Variants in NRCAM observed in about 807,000 individuals in gnomAD.
NRCAM encodes NgCAM-related cell adhesion molecule.
A neutral mutation model predicts 156.5 loss-of-function variants in NRCAM; 83 were observed. The ratio of observed to expected loss-of-function variants is 0.53; its 90% CI spans 0.44 to 0.64. The LOEUF is 0.64. Ranked by LOEUF, NRCAM falls within the 30% of genes least tolerant of loss-of-function variation. The probability of loss-of-function intolerance (pLI) is 0.00; values close to 1 mark genes in which losing one functional copy is unlikely to be tolerated. For synonymous variants in NRCAM, 538 were observed against 563.9 expected, an observed-to-expected ratio of 0.95 and a Z score of 0.65; for missense variants, 1,417 against 1,597.3, an observed-to-expected ratio of 0.89 and a Z score of 1.92.
chr7:108,373,243 AG>A (rs1295370458), intron 2 of NRCAM, among the ~76,000 whole-genome samples: 2 of 152,312 alleles, frequency 1.3e-5, no homozygotes, highest in Admixed American at 1.3e-4. Context: ...GTTTTAATTA[AG>A]CAAGATGAAG....
chr7:108,195,773 G>T lies in NRCAM; in HGVS notation c.1451C>A (p.Pro484Gln). 6.3e-7 allele frequency: 1 copy of T among 1,591,206 alleles called. No individual in the cohort carries two copies. Among genetic ancestry groups the T allele is most frequent in the Non-Finnish European group, 8.6e-7 (1 of 1,159,358 alleles). Residue 484 changes from proline to glutamine, a missense_variant, in exon 15 of 33, where the codon CCA becomes CAA. Physicochemically the swap from Pro to Gln is moderately conservative, Grantham distance 76. Around this residue, in one of 2 missense-constraint regions of NRCAM, gnomAD observed 1,238 missense variants for 1,336.4 expected, o/e 0.93. Coordinates refer to ENST00000379028, the MANE Select transcript of NRCAM (RefSeq NM_001037132.4). ...AGCTGCTACTTACCACTCGATGGTT[G>T]GGAGAGGAGACCCAAAGAAGGCACA... ...LDCAFFGSPL[P>Q]TIEWFKGAKG...
At chr7:108,279,625 C>T (rs1468098980) in intron 3 of NRCAM, among the ~76,000 whole-genome samples, 1 of 147,752 alleles carries the variant, frequency 6.8e-6, no homozygotes, top group Admixed American at 6.8e-5. Flanking sequence ...TTCCCCCATC[C>T]CCCCTGCCCT....
intron 26 of NRCAM, 143 bp from the exon 27 acceptor site, chr7:108,176,749 A>G: frequency 1.6e-6 from 1 of 628,130 alleles, no homozygotes; most frequent in East Asian, 2.8e-5. Context: ...CAGCATAACT[A>G]AGTGATAACC....
chr7:108,386,722 G>GTATC (rs2099741951), intron 2 of NRCAM, among the ~76,000 whole-genome samples: 2 of 152,134 alleles, frequency 1.3e-5, no homozygotes, highest in South Asian at 4.1e-4. Flanking sequence ...AGCATACAAG[G>GTATC]TGTGTATGCA....
chr7:108,364,698 T>C (rs1358614024), intron 2 of NRCAM, among the ~76,000 whole-genome samples: 1 of 150,440 alleles, frequency 6.6e-6, no homozygotes, highest in African/African-American at 2.4e-5. Flanking sequence ...CTTTACAACA[T>C]GGATGAACCT....
chr7:108,171,794 A>G (rs2058532032), intron 28 of NRCAM, among the ~76,000 whole-genome samples: 1 of 152,212 alleles, frequency 6.6e-6, no homozygotes, highest in Non-Finnish European at 1.5e-5. Context: ...TTAAACAAAC[A>G]CGGGTGCATT....
chr7:108,359,777 T>C (rs551912474), intron 2 of NRCAM, among the ~76,000 whole-genome samples: 8 of 152,338 alleles, frequency 5.3e-5, no homozygotes, highest in African/African-American at 1.9e-4. Context: ...TGATGAGCTG[T>C]GACAAATGTC....
rs1203229965 is a variant in NRCAM at position 108,342,617 on chromosome 7, C to A, written c.-173-29886G>T. Among the ~76,000 whole-genome samples the A allele has an allele frequency of 3.3e-5, 5 of 152,186 alleles. No homozygotes were observed. The East Asian group carries it at 7.7e-4, about 23-fold the overall frequency. On this transcript the variant is annotated intron_variant, in intron 2 of 32. Transcript: ENST00000379028. ...AGCTTGCCAACGGGGCAAGACTTTC[C>A]TTTATATGTCACAGAAAAAACAGAA...
chr7:108,299,134 G>GAAAGAAAGAAAGAAAGAAAGA, intron 3 of NRCAM, among the ~76,000 whole-genome samples: 1 of 85,612 alleles, frequency 1.2e-5, no homozygotes, highest in South Asian at 4.1e-4. Context: ...AAGAAAGAAA[G>GAAAGAAAGAAAGAAAGAAAGA]AAAGAAAAGA....
At chr7:108,190,399 C>A (rs1179377135) in intron 19 of NRCAM, among the ~76,000 whole-genome samples, 3 of 152,176 alleles carry the variant, frequency 2.0e-5, no homozygotes, top group East Asian at 3.9e-4. Flanking sequence ...AGTTACTGTT[C>A]CCCCCAGGCC....
chr7:108,443,455 T>G (rs546394121), intron 1 of NRCAM, among the ~76,000 whole-genome samples: 52 of 152,224 alleles, frequency 3.4e-4, no homozygotes, highest in Non-Finnish European at 6.2e-4. Flanking sequence ...TATAGCTAGC[T>G]GCAAAATTCT....
At chr7:108,184,695 G>A (rs1173410012) in intron 20 of NRCAM, 81 bp from the exon 21 acceptor site, 3 of 1,154,778 alleles carry the variant, frequency 2.6e-6, no homozygotes, top group Non-Finnish European at 2.5e-6. Context: ...AACTAACAGG[G>A]CAACCCAACA....
At chr7:108,365,434 T>A (rs1251217407) in intron 2 of NRCAM, among the ~76,000 whole-genome samples, 1 of 152,178 alleles carries the variant, frequency 6.6e-6, no homozygotes, top group East Asian at 1.9e-4. Context: ...TATATTTTCA[T>A]TAAAATGTGA....
intron 15 of NRCAM, 91 bp from the exon 16 acceptor site, chr7:108,194,519 T>C (rs2073850715): frequency 1.2e-6 from 1 of 821,298 alleles, no homozygotes; most frequent in African/African-American, 1.7e-5. Flanking sequence ...AACATGACCA[T>C]GATGAATGTG....
At chr7:108,248,677 A>G (rs569320702) in intron 3 of NRCAM, among the ~76,000 whole-genome samples, 1 of 152,230 alleles carries the variant, frequency 6.6e-6, no homozygotes, top group South Asian at 2.1e-4. Context: ...ATGTCTTCCA[A>G]AGTCCCCATG....
intron 3 of NRCAM, among the ~76,000 whole-genome samples, chr7:108,250,316 C>A (rs973250081): frequency 6.6e-6 from 1 of 150,558 alleles, no homozygotes; most frequent in South Asian, 2.1e-4. Flanking sequence ...GTCCCAACTA[C>A]GCAGGAGGCT....
chr7:108,150,554 T>C (rs1312219664), intron 32 of NRCAM: 12 of 425,734 alleles, frequency 2.8e-5, no homozygotes, highest in Non-Finnish European at 5.6e-5. Flanking sequence ...ATATCTCTGA[T>C]TCCTTGGTTG....
At chr7:108,402,816 T>G (rs1411157880) in intron 1 of NRCAM, among the ~76,000 whole-genome samples, 1 of 152,046 alleles carries the variant, frequency 6.6e-6, no homozygotes, top group African/African-American at 2.4e-5. Flanking sequence ...ACCCAGGAGG[T>G]AGGTTTGTGC....
intron 3 of NRCAM, among the ~76,000 whole-genome samples, chr7:108,306,269 T>C (rs1047549746): frequency 2.6e-5 from 4 of 152,230 alleles, no homozygotes; most frequent in South Asian, 4.1e-4. Flanking sequence ...ACTTTACCAC[T>C]TCTTTATATA....
Sources: allele counts gnomAD v4.1 joint callset (sites outside exome capture counted in the v4.1 genomes callset), GRCh38; gene constraint gnomAD v4.1.1; regional missense constraint gnomAD v4.1.1; transcripts MANE v1.5; gene names NCBI Gene and HGNC (gene_info 2026-07-23, HGNC 2026-07-21).